Variants in PLOD2 observed in about 807,000 individuals in gnomAD.
PLOD2 encodes lysine hydroxylase 2.
In PLOD2, 65 loss-of-function variants were observed where a neutral mutation model predicts 101.0. That is an observed-to-expected ratio of 0.64 (90% CI 0.53 to 0.79). PLOD2 has a LOEUF of 0.79. Among genes scored for constraint, PLOD2 ranks in the 30% least tolerant of loss-of-function variants. The pLI, the probability that PLOD2 is intolerant of heterozygous loss-of-function variation, is 0.00. For synonymous variants in PLOD2, 314 were observed against 302.9 expected (o/e 1.04, Z -0.38); for missense variants, 909 against 914.6 (o/e 0.99, Z 0.08).
chr3:146,132,294 T>C (rs1250957207), intron 1 of PLOD2, among the ~76,000 whole-genome samples: 7 of 152,120 alleles, frequency 4.6e-5, no homozygotes, highest in African/African-American at 7.2e-5. Context: ...CATAGCAGTA[T>C]GTGCAGTGGG....
At chr3:146,122,050 G>A (rs1445220584) in intron 2 of PLOD2, among the ~76,000 whole-genome samples, 1 of 152,126 alleles carries the variant, frequency 6.6e-6, no homozygotes, top group African/African-American at 2.4e-5. Flanking sequence ...AATTAATGGA[G>A]AATGAAATTA....
In PLOD2 at chr3:146,106,662, G is replaced by T; in HGVS notation, c.503-18C>A. 1 of 1,221,100 alleles carries T rather than the reference G, an allele frequency of 8.2e-7. No homozygotes were observed. Among genetic ancestry groups the T allele is most frequent in the Non-Finnish European group, 1.2e-6 (1 of 821,588 alleles). The allele number at this position is 1,221,100 out of a possible 1,614,324, so 75.6% of individuals were successfully genotyped here. A position where few individuals can be genotyped will look rare whatever the true frequency, so the allele number is the denominator to read the frequency against. On this transcript the variant is annotated intron_variant, in intron 4 of 19. Transcript: ENST00000282903. ...AATAAATCCTGCAACACAGCAGAGAGAAAGTAGATAATTTAGGATTCAAAG... is the reference window on the plus strand; with the variant it reads ...AATAAATCCTGCAACACAGCAGAGATAAAGTAGATAATTTAGGATTCAAAG...
intron 1 of PLOD2, among the ~76,000 whole-genome samples, chr3:146,127,664 T>C (rs1221577745): frequency 6.6e-6 from 1 of 152,170 alleles, no homozygotes; most frequent in African/African-American, 2.4e-5. Flanking sequence ...TTTTATGTAA[T>C]GACTTCTTTC....
intron 1 of PLOD2, among the ~76,000 whole-genome samples, chr3:146,137,235 T>C (rs982307897): frequency 2.0e-5 from 3 of 152,222 alleles, no homozygotes; most frequent in Non-Finnish European, 4.4e-5. Flanking sequence ...TGCTTCTAAA[T>C]AATTGGCTTT....
intron 2 of PLOD2, chr3:146,123,348 AAAT>A: frequency 2.1e-6 from 2 of 937,756 alleles, no homozygotes; most frequent in Non-Finnish European, 2.8e-6. Flanking sequence ...ACAAGTAAGT[AAAT>A]AAAATGGCAG....
chr3:146,153,565 A>G (rs2032163667), intron 1 of PLOD2, among the ~76,000 whole-genome samples: 2 of 152,158 alleles, frequency 1.3e-5, no homozygotes, highest in African/African-American at 4.8e-5. Context: ...GCTCTGGAAT[A>G]AAGTATAGCT....
At chr3:146,128,880 CTTTTTTTTTTTTTTTT>C (rs3975816) in intron 1 of PLOD2, among the ~76,000 whole-genome samples, 4 of 73,180 alleles carry the variant, frequency 5.5e-5, no homozygotes, top group South Asian at 7.6e-4. Context: ...ATCTGAAATC[CTTTTTTTTTTTTTTTT>C]TTTTTTTTTT....
chr3:146,104,485 AC>A, intron 5 of PLOD2, 143 bp from the exon 6 acceptor site: 1 of 612,144 alleles, frequency 1.6e-6, no homozygotes, highest in East Asian at 2.8e-5. Context: ...TATTTAGATG[AC>A]TAAAGTATTT....
At chr3:146,149,591 A>T (rs866801567) in intron 1 of PLOD2, among the ~76,000 whole-genome samples, 7 of 152,172 alleles carry the variant, frequency 4.6e-5, no homozygotes, top group South Asian at 4.1e-4. Context: ...TTAAAAAAAT[A>T]TGTTTATGCT....
At position 146,069,914 on chromosome 3, in the gene PLOD2, AAAC is replaced by A. The variant is rs891825398; in HGVS notation, c.*800_*802del. 7 of 152,358 alleles carry A rather than the reference AAAC, an allele frequency of 4.6e-5. No individual in the cohort carries two copies. The highest frequency in any genetic ancestry group is 4.1e-4 in the South Asian group (2 of 4,828). The allele number at this position is 152,358 out of a possible 1,614,324, so 9.4% of individuals were successfully genotyped here. ...CTTTCTAAAAAAGGAAACAAAGCAA[AAAC>A]AACAACAAAAAAAACCTGTTTGACT... is the stretch of plus-strand genomic sequence containing the variant. On this transcript the variant is annotated 3_prime_UTR_variant, in exon 20 of 20. Transcript: ENST00000282903.
intron 11 of PLOD2, among the ~76,000 whole-genome samples, chr3:146,084,866 G>T (rs1369412551): frequency 2.0e-5 from 3 of 151,948 alleles, no homozygotes; most frequent in Non-Finnish European, 4.4e-5. Flanking sequence ...TATCTATAGA[G>T]AATAAAACAA....
intron 3 of PLOD2, among the ~76,000 whole-genome samples, chr3:146,112,659 T>C (rs1937697202): frequency 6.6e-6 from 1 of 152,020 alleles, no homozygotes. Context: ...AAGACCATCC[T>C]GGCCAACATA....
intron 7 of PLOD2, among the ~76,000 whole-genome samples, chr3:146,092,898 C>T (rs1231460451): frequency 2.6e-5 from 4 of 152,076 alleles, no homozygotes; most frequent in African/African-American, 9.7e-5. Context: ...TATTAATAGG[C>T]TTTTTAAATT....
At chr3:146,143,165 G>C (rs943698764) in intron 1 of PLOD2, among the ~76,000 whole-genome samples, 4 of 151,940 alleles carry the variant, frequency 2.6e-5, no homozygotes, top group South Asian at 2.1e-4. Context: ...TCCACCACTA[G>C]CATTCTGCTG....
rs1936046630 is a variant in PLOD2, at chr3:146,069,488, A to C, written c.*1229T>G. On this transcript the variant is annotated 3_prime_UTR_variant, in exon 20 of 20. Coordinates refer to ENST00000282903, the MANE Select transcript of PLOD2 (RefSeq NM_182943.3). ...ATAATTTTCTAACACATGGTGTTAG[A>C]AAATGAATTTTGGCACCGTGATTAA... The C allele has an allele frequency of 6.6e-6, 1 of 152,194 alleles. No homozygotes were observed. 9.4% of individuals were successfully genotyped at this position (152,194 alleles called of 1,614,324 possible).
intron 1 of PLOD2, among the ~76,000 whole-genome samples, chr3:146,157,239 A>G (rs1171327936): frequency 2.0e-5 from 3 of 152,234 alleles, no homozygotes; most frequent in African/African-American, 7.2e-5. Flanking sequence ...TGTCTGTGGC[A>G]AAACAACAGT....
At chr3:146,130,514 C>A (rs1278148262) in intron 1 of PLOD2, among the ~76,000 whole-genome samples, 1 of 152,148 alleles carries the variant, frequency 6.6e-6, no homozygotes, top group East Asian at 1.9e-4. Context: ...GAGCTTATCA[C>A]AATATTAAGC....
At chr3:146,117,589 T>C (rs926802723) in intron 3 of PLOD2, among the ~76,000 whole-genome samples, 4 of 152,146 alleles carry the variant, frequency 2.6e-5, no homozygotes, top group Non-Finnish European at 4.4e-5. Context: ...CACAGGATAG[T>C]CATGGTAGGT....
intron 1 of PLOD2, among the ~76,000 whole-genome samples, chr3:146,137,806 A>T (rs546325638): frequency 6.6e-6 from 1 of 152,262 alleles, no homozygotes; most frequent in African/African-American, 2.4e-5. Flanking sequence ...ACTAAAAAAA[A>T]TACCATCCTA....
Sources: allele counts gnomAD v4.1 joint callset (sites outside exome capture counted in the v4.1 genomes callset), GRCh38; gene constraint gnomAD v4.1.1; transcripts MANE v1.5; gene names NCBI Gene and HGNC (gene_info 2026-07-23, HGNC 2026-07-21).